Variants in PPP3CA observed in about 807,000 individuals in gnomAD.
PPP3CA encodes CAM-PRP catalytic subunit.
Under a neutral mutation model 66.5 loss-of-function variants are expected in PPP3CA, and 14 were observed. The ratio of observed to expected loss-of-function variants is 0.21; its 90% CI spans 0.14 to 0.33. The LOEUF (loss-of-function observed/expected upper bound fraction) is 0.33, where lower values mean the gene tolerates loss of function less well. PPP3CA is among the 10% of genes least tolerant of loss of function. The pLI, the probability that PPP3CA is intolerant of heterozygous loss-of-function variation, is 1.00. For synonymous variants in PPP3CA, 232 were observed against 226.2 expected (o/e 1.03, Z -0.23); for missense variants, 317 against 639.5 (o/e 0.50, Z 5.44).
intron 2 of PPP3CA, among the ~76,000 whole-genome samples, chr4:101,170,181 A>C (rs1339336885): frequency 7.3e-6 from 1 of 137,080 alleles, no homozygotes; most frequent in Non-Finnish European, 1.7e-5. Context: ...TAACAAAAGA[A>C]AAGTGGCCTT....
intron 2 of PPP3CA, among the ~76,000 whole-genome samples, chr4:101,174,020 C>T (rs1298451415): frequency 6.6e-6 from 1 of 152,000 alleles, no homozygotes; most frequent in East Asian, 1.9e-4. Flanking sequence ...CCACTGAACT[C>T]CAGCCCGGGC....
intron 3 of PPP3CA, among the ~76,000 whole-genome samples, chr4:101,102,902 T>G (rs1243046237): frequency 6.6e-6 from 1 of 152,212 alleles, no homozygotes; most frequent in Non-Finnish European, 1.5e-5. Context: ...CGCTAATCAC[T>G]TCAACTGGAC....
intron 10 of PPP3CA, among the ~76,000 whole-genome samples, chr4:101,051,367 T>A (rs923290457): frequency 6.6e-6 from 1 of 152,156 alleles, no homozygotes; most frequent in African/African-American, 2.4e-5. Flanking sequence ...GACTCACAAC[T>A]CTCTTGCAGT....
At chr4:101,335,841 C>G (rs1477259649) in intron 1 of PPP3CA, among the ~76,000 whole-genome samples, 1 of 152,132 alleles carries the variant, frequency 6.6e-6, no homozygotes, top group Non-Finnish European at 1.5e-5. Context: ...AACCTTTGTT[C>G]ACTTCTCCAT....
intron 2 of PPP3CA, among the ~76,000 whole-genome samples, chr4:101,193,584 G>A (rs923077464): frequency 3.9e-5 from 6 of 151,966 alleles, no homozygotes; most frequent in African/African-American, 9.7e-5. Flanking sequence ...CGCTAAATCC[G>A]CTTTGTGAGG....
At chr4:101,127,654 C>G (rs972749384) in intron 2 of PPP3CA, among the ~76,000 whole-genome samples, 1 of 151,370 alleles carries the variant, frequency 6.6e-6, no homozygotes, top group East Asian at 1.9e-4. Context: ...TTTTAAGTGA[C>G]TCGGTTGGTA....
In PPP3CA at chr4:101,332,717, C is replaced by T. The variant is rs141907603; in HGVS notation, c.58+14022G>A. 5.7e-3 allele frequency among the ~76,000 whole-genome samples: 863 copies of T among 152,282 alleles called. 12 individuals carry two copies. Among genetic ancestry groups the T allele is most frequent in the African/African-American group, 0.02 (827 of 41,560 alleles). Reference sequence around the variant, plus strand: ...ACATTTTACATAATATTCCTCTCGTCGTTACAACAACCTTAAAAAATTAGT... The same window carrying T: ...ACATTTTACATAATATTCCTCTCGTTGTTACAACAACCTTAAAAAATTAGT... On this transcript the variant is annotated intron_variant, in intron 1 of 13. Transcript: ENST00000394854.
chr4:101,286,809 G>C (rs936098271), intron 1 of PPP3CA, among the ~76,000 whole-genome samples: 2 of 152,092 alleles, frequency 1.3e-5, no homozygotes, highest in African/African-American at 4.8e-5. Context: ...GAATCTGAAG[G>C]CCTATAAAAG....
intron 1 of PPP3CA, among the ~76,000 whole-genome samples, chr4:101,304,011 CCTT>C (rs1728460967): frequency 6.6e-6 from 1 of 152,060 alleles, no homozygotes; most frequent in South Asian, 2.1e-4. Flanking sequence ...TATTAGTTAA[CCTT>C]CTTTTCACCA....
At chr4:101,291,941 C>T (rs1728040542) in intron 1 of PPP3CA, among the ~76,000 whole-genome samples, 1 of 152,072 alleles carries the variant, frequency 6.6e-6, no homozygotes, top group Non-Finnish European at 1.5e-5. Flanking sequence ...CTAGCCTGGG[C>T]AATGTGACGA....
intron 1 of PPP3CA, among the ~76,000 whole-genome samples, chr4:101,220,340 AATG>A (rs1725586569): frequency 6.6e-6 from 1 of 151,398 alleles, no homozygotes; most frequent in African/African-American, 2.4e-5. Flanking sequence ...TAGCTAAAAT[AATG>A]GTCAAATGAG....
chr4:101,235,682 A>G (rs1399825784), intron 1 of PPP3CA, among the ~76,000 whole-genome samples: 1 of 151,866 alleles, frequency 6.6e-6, no homozygotes, highest in Non-Finnish European at 1.5e-5. Context: ...TATTATGGCC[A>G]TTGATATCTG....
intron 1 of PPP3CA, among the ~76,000 whole-genome samples, chr4:101,249,689 C>T (rs1726609804): frequency 1.3e-5 from 2 of 152,056 alleles, no homozygotes; most frequent in African/African-American, 4.8e-5. Context: ...TACAAAATGA[C>T]TTTTAAAATA....
intron 2 of PPP3CA, among the ~76,000 whole-genome samples, chr4:101,163,683 T>C (rs1723594433): frequency 6.6e-6 from 1 of 152,164 alleles, no homozygotes; most frequent in African/African-American, 2.4e-5. Flanking sequence ...AGCACAGCAG[T>C]AGGTGTTAGG....
At chr4:101,279,036 A>C (rs1279626213) in intron 1 of PPP3CA, among the ~76,000 whole-genome samples, 2 of 152,224 alleles carry the variant, frequency 1.3e-5, no homozygotes, top group African/African-American at 2.4e-5. Flanking sequence ...GTCTTGCATC[A>C]GACTTAGAAG....
chr4:101,136,691 T>TATGG (rs1243469076), intron 2 of PPP3CA, among the ~76,000 whole-genome samples: 1 of 151,934 alleles, frequency 6.6e-6, no homozygotes. Flanking sequence ...TTCATCAGCT[T>TATGG]ATGGTAATCT....
At chr4:101,065,993 A>AT (rs1344498880) in intron 8 of PPP3CA, among the ~76,000 whole-genome samples, 4 of 152,146 alleles carry the variant, frequency 2.6e-5, no homozygotes, top group Non-Finnish European at 5.9e-5. Context: ...TATGCCAGGC[A>AT]TTATGTGTGG....
At chr4:101,092,822 T>C (rs1730017816) in intron 6 of PPP3CA, among the ~76,000 whole-genome samples, 1 of 152,246 alleles carries the variant, frequency 6.6e-6, no homozygotes. Context: ...TTCCATGGTG[T>C]ATATGTACCA....
chr4:101,206,402 A>G (rs3804368), intron 1 of PPP3CA, among the ~76,000 whole-genome samples: 67,320 of 152,178 alleles, frequency 0.44, 17,701 homozygotes, highest in Middle Eastern at 0.64. Context: ...CAAATGGAAA[A>G]TGAACAATTT....
Sources: gnomAD v4.1 joint callset for allele counts (sites outside exome capture counted in the v4.1 genomes callset) on GRCh38, gnomAD v4.1.1 for gene constraint, MANE v1.5 for transcripts, NCBI Gene and HGNC (gene_info 2026-07-23, HGNC 2026-07-21) for gene names.